TBC1D22A: variants seen among roughly 807,000 people sequenced by gnomAD.
TBC1D22A encodes the protein putative GTPase activator.
TBC1D22A carries 38 observed loss-of-function variants against 60.2 expected under a neutral mutation model. The ratio of observed to expected loss-of-function variants is 0.63; its 90% CI spans 0.49 to 0.83. The LOEUF is 0.83. TBC1D22A is among the 40% of genes least tolerant of loss of function. TBC1D22A has a pLI of 0.00. For missense variants in TBC1D22A, 628 were observed against 701.0 expected, an observed-to-expected ratio of 0.90 and a Z score of 1.18; for synonymous variants, 302 against 281.7, an observed-to-expected ratio of 1.07 and a Z score of -0.72.
chr22:47,108,366 T>C (rs1255391806), intron 11 of TBC1D22A, among the ~76,000 whole-genome samples: 2 of 152,248 alleles, frequency 1.3e-5, no homozygotes, highest in African/African-American at 2.4e-5. Context: ...CTGCTCAGCA[T>C]GTATAGAAAT....
intron 4 of TBC1D22A, among the ~76,000 whole-genome samples, chr22:46,838,700 G>T (rs1342817647): frequency 6.6e-6 from 1 of 152,062 alleles, no homozygotes; most frequent in Non-Finnish European, 1.5e-5. Context: ...CACACTGAAA[G>T]GTTCAGACAC....
Position 46,762,825 on chromosome 22 carries a change from C to G in TBC1D22A, c.39C>G (p.Arg13=). 1 of 1,462,176 alleles carries G rather than the reference C, an allele frequency of 6.8e-7. No homozygotes were observed. Among genetic ancestry groups the G allele is most frequent in the Admixed American group, 3.2e-5 (1 of 30,784 alleles). The allele number at this position is 1,462,176 out of a possible 1,614,324, so 90.6% of individuals were successfully genotyped here. The change falls in exon 1 of 13, where the codon CGC becomes CGG. Residue 13 remains arginine, a synonymous_variant. Coordinates refer to ENST00000337137, the MANE Select transcript of TBC1D22A (RefSeq NM_014346.5). ...GGGCCAGGAAGCAATTCTGGAAGCGCAGCAACAGCAAGCTCCCGGGCAGGT... is the reference window on the plus strand; with the variant it reads ...GGGCCAGGAAGCAATTCTGGAAGCGGAGCAACAGCAAGCTCCCGGGCAGGT... ...SDGARKQFWK[R]SNSKLPGSIQ...
chr22:46,884,710 C>A (rs911959334), intron 5 of TBC1D22A, among the ~76,000 whole-genome samples: 2 of 152,228 alleles, frequency 1.3e-5, no homozygotes, highest in Non-Finnish European at 2.9e-5. Context: ...TCCCATAACA[C>A]TTTATTTACA....
intron 12 of TBC1D22A, among the ~76,000 whole-genome samples, chr22:47,133,427 G>T (rs1212985730): frequency 2.0e-5 from 3 of 152,214 alleles, no homozygotes; most frequent in African/African-American, 7.2e-5. Flanking sequence ...CAGTACCAGA[G>T]CGGGAGGCTG....
At chr22:46,904,140 T>TA (rs1284494692) in intron 7 of TBC1D22A, among the ~76,000 whole-genome samples, 13 of 120,246 alleles carry the variant, frequency 1.1e-4, no homozygotes, top group African/African-American at 4.4e-4. Flanking sequence ...TCTATCTATC[T>TA]ATCTACCTAC....
chr22:47,107,818 C>T (rs138490234), intron 11 of TBC1D22A, among the ~76,000 whole-genome samples: 6 of 152,350 alleles, frequency 3.9e-5, no homozygotes, highest in African/African-American at 1.4e-4. Flanking sequence ...ATTGCTGGAA[C>T]AATTGGATAT....
At chr22:46,823,231 G>C (rs2085903709) in intron 4 of TBC1D22A, among the ~76,000 whole-genome samples, 1 of 152,186 alleles carries the variant, frequency 6.6e-6, no homozygotes, top group African/African-American at 2.4e-5. Context: ...ACCAAACTGT[G>C]GTGATTCATG....
chr22:46,928,544 A>T (rs2071175573), intron 8 of TBC1D22A, among the ~76,000 whole-genome samples: 3 of 152,238 alleles, frequency 2.0e-5, no homozygotes, highest in African/African-American at 7.2e-5. Flanking sequence ...CAAAAGCAAA[A>T]GGGACAAAGG....
At chr22:46,958,390 T>G (rs1422556802) in intron 8 of TBC1D22A, among the ~76,000 whole-genome samples, 1 of 152,164 alleles carries the variant, frequency 6.6e-6, no homozygotes, top group East Asian at 1.9e-4. Flanking sequence ...GTATCCTCTC[T>G]GCACCGTGGC....
chr22:47,143,435 G>A lies in TBC1D22A; in HGVS notation c.1426-30063G>A, dbSNP rs75104090. ...GGAATTAGGAAGTAGAAGCCCTGCC[G>A]CGCTGGCTAGCTAATGAGTTTTGAA... is the stretch of plus-strand genomic sequence containing the variant. On this transcript the variant is annotated intron_variant, in intron 12 of 12. Transcript: ENST00000337137. 5.1e-3 allele frequency among the ~76,000 whole-genome samples: 771 copies of A among 152,346 alleles called. 6 individuals are homozygous for A. The highest frequency in any genetic ancestry group is 0.016 in the African/African-American group (685 of 41,580).
chr22:47,161,670 T>TG (rs1188712590), intron 12 of TBC1D22A, among the ~76,000 whole-genome samples: 3 of 152,350 alleles, frequency 2.0e-5, no homozygotes, highest in African/African-American at 7.2e-5. Flanking sequence ...TGTCTCGTCT[T>TG]GGGTGCACAC....
intron 10 of TBC1D22A, among the ~76,000 whole-genome samples, chr22:47,020,279 AG>A (rs1353764736): frequency 6.6e-6 from 1 of 152,028 alleles, no homozygotes; most frequent in African/African-American, 2.4e-5. Context: ...CGGTGGTGGG[AG>A]GCTCTGGGAT....
rs540841066 is a variant in TBC1D22A at position 46,770,772 on chromosome 22, A to G, written c.62+7924A>G. 2.6e-5 allele frequency among the ~76,000 whole-genome samples: 4 copies of G among 152,100 alleles called. No homozygotes were observed. In the East Asian group the frequency reaches 7.7e-4, roughly 29 times the overall value. ...GCCGCCTTGCTTTCTTGTGTTTTTT[A>G]TAAATCTGTATTGCCTTTTGCTTAT... On this transcript the variant is annotated intron_variant, in intron 1 of 12. Coordinates refer to ENST00000337137, the MANE Select transcript of TBC1D22A (RefSeq NM_014346.5).
At chr22:47,061,023 ACC>A (rs1225312869) in intron 11 of TBC1D22A, among the ~76,000 whole-genome samples, 3 of 151,900 alleles carry the variant, frequency 2.0e-5, no homozygotes, top group African/African-American at 7.3e-5. Flanking sequence ...CTCGCATGCG[ACC>A]TCCTGGAAAG....
At chr22:46,935,091 G>C (rs2071567973) in intron 8 of TBC1D22A, among the ~76,000 whole-genome samples, 1 of 152,130 alleles carries the variant, frequency 6.6e-6, no homozygotes, top group Non-Finnish European at 1.5e-5. Context: ...AGTCATCTGT[G>C]TGTCAGGCAC....
chr22:47,008,098 C>T (rs562615863), intron 10 of TBC1D22A, among the ~76,000 whole-genome samples: 6 of 152,262 alleles, frequency 3.9e-5, no homozygotes, highest in South Asian at 2.1e-4. Context: ...TCTTTGAAAT[C>T]GAGTCTTTGA....
chr22:47,052,676 C>T (rs79916611), intron 11 of TBC1D22A, among the ~76,000 whole-genome samples: 200 of 152,334 alleles, frequency 1.3e-3, no homozygotes, highest in African/African-American at 4.5e-3. Flanking sequence ...GCTGGAGGCT[C>T]TGCCTGTCCT....
At position 47,140,943 on chromosome 22, in the gene TBC1D22A, G is replaced by A. The variant is rs558330297; in HGVS notation, c.1425+29340G>A. Among the ~76,000 whole-genome samples, 14 of 152,370 alleles carry A rather than the reference G, an allele frequency of 9.2e-5. No individual in the cohort carries two copies. The East Asian group carries it at 9.6e-4, about 10-fold the overall frequency. On this transcript the variant is annotated intron_variant, in intron 12 of 12. Coordinates refer to ENST00000337137, the MANE Select transcript of TBC1D22A (RefSeq NM_014346.5). ...ACTCCGGAGCCCTGACTCTAGGACCGCTCTGGCTTGTTAGCATGTATGTTA... is the reference window on the plus strand; with the variant it reads ...ACTCCGGAGCCCTGACTCTAGGACCACTCTGGCTTGTTAGCATGTATGTTA...
intron 12 of TBC1D22A, among the ~76,000 whole-genome samples, chr22:47,143,678 C>T (rs2067186501): frequency 6.6e-6 from 1 of 152,230 alleles, no homozygotes. Context: ...GATGGACACC[C>T]AGCTGACCCT....
Sources: gnomAD v4.1 joint callset for allele counts (sites outside exome capture counted in the v4.1 genomes callset) on GRCh38, gnomAD v4.1.1 for gene constraint, MANE v1.5 for transcripts, NCBI Gene and HGNC (gene_info 2026-07-23, HGNC 2026-07-21) for gene names.